Variants in TEX14 observed in about 807,000 individuals in gnomAD.
The protein encoded by TEX14 is testis expressed 14, intercellular bridge forming factor, also known as inactive serine/threonine-protein kinase TEX14.
Under a neutral mutation model 178.6 loss-of-function variants are expected in TEX14, and 168 were observed. The ratio of observed to expected loss-of-function variants is 0.94; its 90% CI spans 0.83 to 1.07. The LOEUF (loss-of-function observed/expected upper bound fraction) is 1.07, where lower values mean the gene tolerates loss of function less well. Ranked by LOEUF, TEX14 falls within the 50% of genes least tolerant of loss-of-function variation. TEX14 has a pLI of 0.00. For synonymous variants in TEX14, 626 were observed against 634.1 expected (o/e 0.99, Z 0.19); for missense variants, 1,730 against 1,753.6 (o/e 0.99, Z 0.24).
intron 10 of TEX14, among the ~76,000 whole-genome samples, chr17:58,607,854 G>A (rs1433240397): frequency 2.0e-5 from 3 of 152,226 alleles, no homozygotes; most frequent in African/African-American, 7.2e-5. Flanking sequence ...CCGGCCAGCC[G>A]TAGTGGCTCA....
At chr17:58,604,364 G>A (rs921180730) in intron 11 of TEX14, among the ~76,000 whole-genome samples, 5 of 150,838 alleles carry the variant, frequency 3.3e-5, no homozygotes, top group African/African-American at 7.3e-5. Context: ...CCAGCTACTC[G>A]GGAGGCTGAG....
intron 1 of TEX14, among the ~76,000 whole-genome samples, chr17:58,670,459 A>G (rs2047285549): frequency 6.6e-6 from 1 of 152,062 alleles, no homozygotes; most frequent in Non-Finnish European, 1.5e-5. Context: ...TGGGAAGGTA[A>G]GAATAAGGAT....
At chr17:58,601,044 T>C (rs1490766961) in intron 13 of TEX14, among the ~76,000 whole-genome samples, 2 of 151,282 alleles carry the variant, frequency 1.3e-5, no homozygotes, top group African/African-American at 4.9e-5. Flanking sequence ...AGGCCAGGAG[T>C]TCAAGACCAA....
intron 14 of TEX14, among the ~76,000 whole-genome samples, chr17:58,598,289 G>C (rs1276932144): frequency 6.6e-6 from 1 of 150,584 alleles, no homozygotes; most frequent in Non-Finnish European, 1.5e-5. Context: ...ACTCCAGCCT[G>C]GGCAACAGGA....
intron 24 of TEX14, among the ~76,000 whole-genome samples, chr17:58,571,029 C>T (rs1273445899): frequency 6.6e-6 from 1 of 152,070 alleles, no homozygotes; most frequent in African/African-American, 2.4e-5. Flanking sequence ...TCCTTTGAGG[C>T]AGGGATCATG....
At chr17:58,687,994 G>T (rs780077781) in intron 1 of TEX14, among the ~76,000 whole-genome samples, 9 of 152,158 alleles carry the variant, frequency 5.9e-5, no homozygotes, top group Non-Finnish European at 1.5e-5. Context: ...TTGTTTTAGT[G>T]ATCTAGTCTT....
intron 3 of TEX14, among the ~76,000 whole-genome samples, chr17:58,624,452 T>G (rs562369022): frequency 1.3e-5 from 2 of 151,136 alleles, no homozygotes; most frequent in Non-Finnish European, 3.0e-5. Flanking sequence ...GTGGTTCTTC[T>G]GCCTCAGCCT....
chr17:58,610,985 T>G (rs1353267302), intron 10 of TEX14, among the ~76,000 whole-genome samples, 176 bp downstream of exon 10: 1 of 152,138 alleles, frequency 6.6e-6, no homozygotes, highest in African/African-American at 2.4e-5. Context: ...TTAAAATGTC[T>G]CCAAATTCCT....
chr17:58,636,531 T>C (rs1233419199), intron 2 of TEX14, among the ~76,000 whole-genome samples: 1 of 152,212 alleles, frequency 6.6e-6, no homozygotes, highest in East Asian at 1.9e-4. Context: ...ATTATCACTG[T>C]TTTGTAGATG....
At chr17:58,653,117 T>C (rs1411007166) in intron 1 of TEX14, among the ~76,000 whole-genome samples, 1 of 152,130 alleles carries the variant, frequency 6.6e-6, no homozygotes, top group African/African-American at 2.4e-5. Flanking sequence ...TTTGTATTTT[T>C]AGTAGAGACG....
chr17:58,581,236 G>C (rs773964330), intron 19 of TEX14, among the ~76,000 whole-genome samples: 1 of 150,486 alleles, frequency 6.6e-6, no homozygotes, highest in African/African-American at 2.5e-5. Context: ...GCTTGAACCC[G>C]GGAGGCAGAG....
chr17:58,603,615 G>C (rs1450287333), intron 11 of TEX14, among the ~76,000 whole-genome samples: 2 of 150,824 alleles, frequency 1.3e-5, no homozygotes, highest in Non-Finnish European at 2.9e-5. Context: ...AGCACTTTAG[G>C]AGGCTGAGGT....
At chr17:58,687,358 CT>C (rs1024103062) in intron 1 of TEX14, among the ~76,000 whole-genome samples, 14 of 152,258 alleles carry the variant, frequency 9.2e-5, no homozygotes, top group Non-Finnish European at 1.5e-4. Context: ...AAGGTACCCC[CT>C]GACCCCTTCT....
chr17:58,559,951 T>C (rs1007268292), intron 29 of TEX14, among the ~76,000 whole-genome samples: 6 of 152,222 alleles, frequency 3.9e-5, no homozygotes, highest in Admixed American at 3.3e-4. Context: ...TTTTGATTGG[T>C]GTCCCTTTCA....
intron 2 of TEX14, among the ~76,000 whole-genome samples, chr17:58,649,893 C>G (rs2046802889): frequency 6.6e-6 from 1 of 151,926 alleles, no homozygotes; most frequent in Non-Finnish European, 1.5e-5. Flanking sequence ...GTGCCCACCA[C>G]CATGCCTGGC....
chr17:58,612,387 A>C (rs2045766416), intron 9 of TEX14, among the ~76,000 whole-genome samples: 1 of 152,194 alleles, frequency 6.6e-6, no homozygotes, highest in Middle Eastern at 3.4e-3. Context: ...CCAGGAGTTC[A>C]AGACCAGCCT....
At chr17:58,685,449 A>AG (rs1168789931) in intron 1 of TEX14, among the ~76,000 whole-genome samples, 2 of 151,888 alleles carry the variant, frequency 1.3e-5, no homozygotes, top group East Asian at 3.9e-4. Context: ...AAAAAAAAAA[A>AG]AGAATGTCAG....
intron 10 of TEX14, among the ~76,000 whole-genome samples, chr17:58,605,677 C>G (rs1434999782): frequency 6.6e-6 from 1 of 152,236 alleles, no homozygotes; most frequent in African/African-American, 2.4e-5. Flanking sequence ...TTTGCACTGG[C>G]AGCTTCTGCC....
intron 23 of TEX14, 114 bp downstream of exon 23, chr17:58,573,067 C>G (rs2044578505): frequency 1.4e-6 from 2 of 1,453,226 alleles, no homozygotes; most frequent in South Asian, 2.7e-5. Flanking sequence ...AAAGAAAAAC[C>G]TTTGCACTAT....
Sources: gnomAD v4.1 joint callset for allele counts (sites outside exome capture counted in the v4.1 genomes callset) on GRCh38, gnomAD v4.1.1 for gene constraint, MANE v1.5 for transcripts, NCBI Gene and HGNC (gene_info 2026-07-23, HGNC 2026-07-21) for gene names.